Variants in IMPG1 observed in about 807,000 individuals in gnomAD.
IMPG1 encodes interphotoreceptor matrix proteoglycan 1, also known as interphotoreceptor matrix proteoglycan of 150 kDa.
IMPG1 carries 85 observed loss-of-function variants against 92.0 expected under a neutral mutation model. The ratio of observed to expected loss-of-function variants is 0.92; its 90% CI spans 0.78 to 1.11. The LOEUF is 1.11. IMPG1 is among the 50% of genes least tolerant of loss of function. IMPG1 has a pLI of 0.00. For missense variants in IMPG1, 1,022 were observed against 956.0 expected (o/e 1.07, Z -0.91); for synonymous variants, 367 against 334.1 (o/e 1.10, Z -1.08).
intron 12 of IMPG1, among the ~76,000 whole-genome samples, chr6:75,990,622 T>C (rs9352254): frequency 0.012 from 1,134 of 96,122 alleles, 6 homozygotes; most frequent in Non-Finnish European, 0.015. Flanking sequence ...CACACACACA[T>C]ACACAATCTC....
intron 1 of IMPG1, among the ~76,000 whole-genome samples, chr6:76,061,105 C>T (rs1784197867): frequency 6.6e-6 from 1 of 152,138 alleles, no homozygotes; most frequent in Non-Finnish European, 1.5e-5. Flanking sequence ...TAGGTCATTT[C>T]AGCCCTGTTT....
chr6:76,016,235 T>G (rs533562094), intron 7 of IMPG1, among the ~76,000 whole-genome samples: 1 of 152,220 alleles, frequency 6.6e-6, no homozygotes, highest in African/African-American at 2.4e-5. Flanking sequence ...AGCTAATTTT[T>G]GGCAAAAACA....
intron 12 of IMPG1, among the ~76,000 whole-genome samples, chr6:75,951,809 G>A (rs1297917383): frequency 6.6e-6 from 1 of 152,082 alleles, no homozygotes; most frequent in Non-Finnish European, 1.5e-5. Context: ...GGGTGTAGTA[G>A]TACACGCCTG....
chr6:76,007,576 A>G, intron 8 of IMPG1, 76 bp from the exon 9 acceptor site: 1 of 961,074 alleles, frequency 1.0e-6, no homozygotes. Context: ...CATTCAATGA[A>G]TTATTTTATA....
intron 14 of IMPG1, among the ~76,000 whole-genome samples, chr6:75,939,118 C>T (rs374269134): frequency 3.0e-4 from 45 of 152,326 alleles, no homozygotes; most frequent in East Asian, 9.6e-4. Context: ...GGATTACAGG[C>T]GTGAGCCACC....
chr6:75,997,014 C>A (rs1009379533), intron 12 of IMPG1, among the ~76,000 whole-genome samples: 1 of 152,166 alleles, frequency 6.6e-6, no homozygotes, highest in Non-Finnish European at 1.5e-5. Flanking sequence ...ATTTCCCAAA[C>A]TGAAATTCTG....
At chr6:75,930,883 C>T (rs150096460) in intron 15 of IMPG1, 70 bp downstream of exon 15, 2 of 1,356,620 alleles carry the variant, frequency 1.5e-6, no homozygotes, top group Non-Finnish European at 1.0e-6. Context: ...TGAATTTACT[C>T]TAATGATGGG....
At chr6:76,052,611 G>C (rs924512739) in intron 1 of IMPG1, among the ~76,000 whole-genome samples, 3 of 152,034 alleles carry the variant, frequency 2.0e-5, no homozygotes, top group Admixed American at 1.3e-4. Flanking sequence ...GAAACCATAG[G>C]ATCAACACAT....
rs770350524 is a variant in IMPG1 at position 76,005,532 on chromosome 6, G to A, written c.890C>T (p.Ser297Leu). ...CGTAAGTTGCATCTCTGTGGAGCTT[G>A]AGCTGTAGATAGCAGAGGACACATT... ...GFRPKKEKDGSSSTEMQLTAI... is the reference protein window; with the variant it reads ...GFRPKKEKDGLSSTEMQLTAI... The change falls in exon 10 of 17, where the codon TCA (serine) becomes TTA (leucine). Residue 297 changes from serine to leucine, a missense_variant and splice_region_variant. Physicochemically the swap from Ser to Leu is moderately radical, Grantham distance 145 (BLOSUM62 -2). Transcript: ENST00000369950. 1.9e-6 allele frequency: 3 copies of A among 1,613,760 alleles called. No homozygotes were observed. In the Admixed American group the frequency reaches 5.0e-5, roughly 27 times the overall value.
At chr6:75,983,499 G>A (rs1011212794) in intron 12 of IMPG1, among the ~76,000 whole-genome samples, 1 of 152,106 alleles carries the variant, frequency 6.6e-6, no homozygotes, top group African/African-American at 2.4e-5. Context: ...TTCAATAAAT[G>A]GTTTGGGACA....
chr6:76,022,454 TGTGTTA>T (rs1307237742), intron 5 of IMPG1, among the ~76,000 whole-genome samples: 1 of 152,208 alleles, frequency 6.6e-6, no homozygotes, highest in East Asian at 1.9e-4. Flanking sequence ...CTTCCCTGTA[TGTGTTA>T]TACTTAAATG....
intron 12 of IMPG1, among the ~76,000 whole-genome samples, chr6:75,966,930 C>G (rs1353224611): frequency 6.6e-6 from 1 of 152,170 alleles, no homozygotes; most frequent in African/African-American, 2.4e-5. Flanking sequence ...GTAATCCCAG[C>G]ACTTTGTGAG....
intron 15 of IMPG1, among the ~76,000 whole-genome samples, chr6:75,926,323 G>A (rs572128929): frequency 2.0e-5 from 3 of 152,228 alleles, no homozygotes; most frequent in Admixed American, 6.5e-5. Context: ...AACCTCCCCC[G>A]TAACCGAACC....
At chr6:76,018,642 T>C (rs563554216) in intron 7 of IMPG1, 76 bp downstream of exon 7, 33 of 1,347,978 alleles carry the variant, frequency 2.4e-5, no homozygotes, top group Non-Finnish European at 3.4e-5. Context: ...CTGTTCGCCG[T>C]AAGGGTTTAT....
intron 14 of IMPG1, chr6:75,934,825 G>A (rs924764818): frequency 2.0e-5 from 8 of 392,210 alleles, no homozygotes; most frequent in Admixed American, 1.8e-4. Flanking sequence ...ACCTTGTCCT[G>A]CTCTTGCCGC....
chr6:76,050,350 T>G (rs139181254), intron 1 of IMPG1, among the ~76,000 whole-genome samples: 3,452 of 151,788 alleles, frequency 0.023, 112 homozygotes, highest in African/African-American at 0.076. Context: ...GGCTGAGGCA[T>G]GAGAATCGCT....
intron 1 of IMPG1, among the ~76,000 whole-genome samples, chr6:76,047,915 A>C (rs975399112): frequency 2.6e-5 from 4 of 152,212 alleles, no homozygotes; most frequent in Non-Finnish European, 5.9e-5. Context: ...AAGGCAAATA[A>C]AAATTCTTTT....
chr6:76,006,767 T>C (rs1783106334), intron 9 of IMPG1, among the ~76,000 whole-genome samples: 1 of 152,174 alleles, frequency 6.6e-6, no homozygotes, highest in Non-Finnish European at 1.5e-5. Flanking sequence ...CTGTATTTAT[T>C]ATCCTATTCA....
rs78776117 is a variant in IMPG1, at chr6:76,021,694, T to G, written c.666+422A>C. Among the ~76,000 whole-genome samples the G allele has an allele frequency of 5.6e-3, 837 of 150,296 alleles. 31 individuals carry two copies. The East Asian group carries it at 0.089, about 16-fold the overall frequency. Reference sequence around the variant, plus strand: ...ATAACTGAGAACAAAACCTTCACTCTTGTTGTCAATGTGGAATTATACTTC... The same window carrying G: ...ATAACTGAGAACAAAACCTTCACTCGTGTTGTCAATGTGGAATTATACTTC... On this transcript the variant is annotated intron_variant, in intron 6 of 16. Transcript: ENST00000369950.
Sources: allele counts gnomAD v4.1 joint callset (sites outside exome capture counted in the v4.1 genomes callset), GRCh38; gene constraint gnomAD v4.1.1; transcripts MANE v1.5; gene names NCBI Gene and HGNC (gene_info 2026-07-23, HGNC 2026-07-21).